FAT3: variants seen among roughly 807,000 people sequenced by gnomAD.
FAT3 encodes the protein protocadherin Fat 3.
In FAT3, 95 loss-of-function variants were observed where a neutral mutation model predicts 310.2. The observed-to-expected ratio is 0.31, with a 90% CI of 0.26 to 0.36. FAT3 has a LOEUF of 0.36. Among genes scored for constraint, FAT3 ranks in the 10% least tolerant of loss-of-function variants. FAT3 has a pLI of 1.00. For missense variants in FAT3, 5,408 were observed against 5,715.6 expected, an observed-to-expected ratio of 0.95 and a Z score of 1.74; for synonymous variants, 2,314 against 2,192.9, an observed-to-expected ratio of 1.06 and a Z score of -1.54.
chr11:92,349,948 A>T (rs537725905), intron 1 of FAT3, among the ~76,000 whole-genome samples: 2 of 151,418 alleles, frequency 1.3e-5, no homozygotes, highest in South Asian at 4.2e-4. Context: ...TCAGGGTTTC[A>T]CTTCAGGAGA....
chr11:92,322,810 G>A (rs1273267660), intron 1 of FAT3, among the ~76,000 whole-genome samples: 5 of 151,924 alleles, frequency 3.3e-5, no homozygotes, highest in Admixed American at 1.3e-4. Flanking sequence ...TAGTTCTCTC[G>A]CTGTTCCCAC....
At chr11:92,474,273 T>G (rs1951989300) in intron 2 of FAT3, among the ~76,000 whole-genome samples, 1 of 152,196 alleles carries the variant, frequency 6.6e-6, no homozygotes, top group African/African-American at 2.4e-5. Context: ...AAGGACATAT[T>G]TCTTCATGAG....
intron 22 of FAT3, among the ~76,000 whole-genome samples, chr11:92,874,569 C>T (rs943779531): frequency 3.9e-5 from 6 of 152,172 alleles, no homozygotes; most frequent in Non-Finnish European, 7.4e-5. Context: ...GATGGAGTTT[C>T]GCTCTTGTTG....
chr11:92,278,302 G>C (rs1483673949), intron 1 of FAT3, among the ~76,000 whole-genome samples: 1 of 151,952 alleles, frequency 6.6e-6, no homozygotes, highest in Non-Finnish European at 1.5e-5. Flanking sequence ...ATCTCATTAG[G>C]GTTTGCTCCC....
At chr11:92,443,162 G>A (rs1479055253) in intron 2 of FAT3, among the ~76,000 whole-genome samples, 1 of 152,132 alleles carries the variant, frequency 6.6e-6, no homozygotes, top group Non-Finnish European at 1.5e-5. Flanking sequence ...GGTGCAATTA[G>A]GAAATCTAAG....
chr11:92,311,311 C>T (rs1947299201), intron 1 of FAT3, among the ~76,000 whole-genome samples: 1 of 152,020 alleles, frequency 6.6e-6, no homozygotes, highest in African/African-American at 2.4e-5. Context: ...TTTACAAGGA[C>T]CGTTTGGTAG....
intron 2 of FAT3, among the ~76,000 whole-genome samples, chr11:92,358,626 G>A (rs1948798635): frequency 6.6e-6 from 1 of 152,062 alleles, no homozygotes; most frequent in African/African-American, 2.4e-5. Context: ...CTCAGCACTT[G>A]TAGATTTTAG....
chr11:92,670,347 C>T (rs1385245351), intron 3 of FAT3, among the ~76,000 whole-genome samples: 2 of 152,182 alleles, frequency 1.3e-5, no homozygotes, highest in Admixed American at 1.3e-4. Context: ...TCCTCCATGC[C>T]CATCAGCACA....
chr11:92,583,592 CTT>C (rs1221706503), intron 3 of FAT3, among the ~76,000 whole-genome samples: 5 of 151,868 alleles, frequency 3.3e-5, no homozygotes, highest in Admixed American at 3.3e-4. Context: ...CTGCTGTTCT[CTT>C]TGCCAATAGT....
chr11:92,336,525 C>T (rs1948089018), intron 1 of FAT3: 1 of 208,254 alleles, frequency 4.8e-6, no homozygotes, highest in Non-Finnish European at 9.7e-6. Flanking sequence ...GTCTCCAACT[C>T]CTATAGACTC....
At chr11:92,844,760 C>CA in intron 19 of FAT3, 28 bp downstream of exon 19, 1 of 1,479,852 alleles carries the variant, frequency 6.8e-7, no homozygotes, top group Middle Eastern at 1.9e-4. Flanking sequence ...TGTTCCCTCT[C>CA]AACTCCTGAG....
chr11:92,796,665 T>C (rs1022723332), intron 9 of FAT3, among the ~76,000 whole-genome samples: 1 of 152,192 alleles, frequency 6.6e-6, no homozygotes, highest in Non-Finnish European at 1.5e-5. Context: ...CAGAAGTATA[T>C]GTGTTCTTTG....
At chr11:92,412,746 A>C (rs10765550) in intron 2 of FAT3, among the ~76,000 whole-genome samples, 103 of 17,750 alleles carry the variant, frequency 5.8e-3, no homozygotes, top group Middle Eastern at 0.1. Flanking sequence ...TATATATATA[A>C]ATATACATAC....
At chr11:92,374,511 A>G (rs1308861539) in intron 2 of FAT3, among the ~76,000 whole-genome samples, 1 of 152,248 alleles carries the variant, frequency 6.6e-6, no homozygotes, top group African/African-American at 2.4e-5. Context: ...GAAGGCAAGA[A>G]AGATGGAGAA....
At chr11:92,355,476 G>T in intron 2 of FAT3, 72 bp downstream of exon 2, 1 of 1,430,540 alleles carries the variant, frequency 7.0e-7, no homozygotes, top group East Asian at 2.3e-5. Flanking sequence ...AAAGTAAAGG[G>T]ATGTTAGGAC....
At chr11:92,560,656 T>A (rs993571247) in intron 3 of FAT3, among the ~76,000 whole-genome samples, 2 of 151,866 alleles carry the variant, frequency 1.3e-5, no homozygotes, top group Admixed American at 1.3e-4. Context: ...AGAAAAAGAC[T>A]CTGTTTATGC....
chr11:92,253,788 A>G (rs1173723572), intron 1 of FAT3, among the ~76,000 whole-genome samples: 1 of 152,164 alleles, frequency 6.6e-6, no homozygotes, highest in African/African-American at 2.4e-5. Flanking sequence ...GTTTTAAGAA[A>G]GTCAGATTTT....
intron 2 of FAT3, among the ~76,000 whole-genome samples, chr11:92,388,370 G>A (rs968481012): frequency 2.0e-5 from 3 of 152,172 alleles, no homozygotes; most frequent in Admixed American, 6.5e-5. Flanking sequence ...ATCACTGAGG[G>A]GTGGAAGGTA....
intron 2 of FAT3, among the ~76,000 whole-genome samples, chr11:92,461,552 C>T (rs1374273188): frequency 6.6e-6 from 1 of 152,080 alleles, no homozygotes; most frequent in Non-Finnish European, 1.5e-5. Flanking sequence ...TTAGAACAGA[C>T]ACACAGATGA....
Sources: allele counts gnomAD v4.1 joint callset (sites outside exome capture counted in the v4.1 genomes callset), GRCh38; gene constraint gnomAD v4.1.1; transcripts MANE v1.5; gene names NCBI Gene and HGNC (gene_info 2026-07-23, HGNC 2026-07-21).